Variants in PRKCE observed in about 807,000 individuals in gnomAD.
PRKCE encodes the protein protein kinase C epsilon.
PRKCE carries 16 observed loss-of-function variants against 85.4 expected under a neutral mutation model. The observed-to-expected ratio is 0.19, with a 90% CI of 0.13 to 0.28. PRKCE has a LOEUF of 0.28. Ranked by LOEUF, PRKCE falls within the 10% of genes least tolerant of loss-of-function variation. The probability of loss-of-function intolerance (pLI) is 1.00; values close to 1 mark genes in which losing one functional copy is unlikely to be tolerated. For synonymous variants in PRKCE, 388 were observed against 371.5 expected (o/e 1.04, Z -0.51); for missense variants, 573 against 975.2 (o/e 0.59, Z 5.49).
intron 11 of PRKCE, among the ~76,000 whole-genome samples, chr2:46,129,848 T>A (rs893098782): frequency 1.3e-5 from 2 of 152,268 alleles, no homozygotes; most frequent in African/African-American, 2.4e-5. Flanking sequence ...TTATTTTAAT[T>A]GTTTTATAGT....
At chr2:45,654,412 G>A (rs1379750468) in intron 1 of PRKCE, among the ~76,000 whole-genome samples, 1 of 152,202 alleles carries the variant, frequency 6.6e-6, no homozygotes, top group African/African-American at 2.4e-5. Flanking sequence ...TAGTGCACAG[G>A]CAAGTTTTAC....
rs550257476 is a variant in PRKCE at position 46,035,976 on chromosome 2, G to C, written c.1437+25459G>C. Reference sequence around the variant, plus strand: ...GATAACAAATGAGACTGCAAAGCAGGGGAAGGTGGAAGTGCTAGGGAAAAG... The same window carrying C: ...GATAACAAATGAGACTGCAAAGCAGCGGAAGGTGGAAGTGCTAGGGAAAAG... On this transcript the variant is annotated intron_variant, in intron 10 of 14. Transcript: ENST00000306156. 2.2e-4 allele frequency among the ~76,000 whole-genome samples: 34 copies of C among 152,306 alleles called. No homozygotes were observed. The South Asian group carries it at 6.8e-3, about 31-fold the overall frequency.
Position 45,907,760 on chromosome 2 carries a change from C to T in PRKCE, c.412+64697C>T, listed in dbSNP as rs938521111. Among the ~76,000 whole-genome samples the T allele has an allele frequency of 4.6e-5, 7 of 152,182 alleles. No individual in the cohort carries two copies. Among genetic ancestry groups the T allele is most frequent in the African/African-American group, 1.7e-4 (7 of 41,442 alleles). On this transcript the variant is annotated intron_variant, in intron 2 of 14. Coordinates refer to ENST00000306156, the MANE Select transcript of PRKCE (RefSeq NM_005400.3). The surrounding 1 kb of genome is among the most constrained non-coding windows in gnomAD (Gnocchi z 4.5). Reference sequence around the variant, plus strand: ...CTGAGGGCGTGACTGAGCCAATGGCCACCTCTGGGTCTCTGCTGCCTCCTT... The same window carrying T: ...CTGAGGGCGTGACTGAGCCAATGGCTACCTCTGGGTCTCTGCTGCCTCCTT...
chr2:45,974,523 C>T (rs1308656453), intron 2 of PRKCE, among the ~76,000 whole-genome samples: 1 of 152,198 alleles, frequency 6.6e-6, no homozygotes, highest in Non-Finnish European at 1.5e-5. Context: ...ACGCTGAGGG[C>T]AGATTTCCAA....
At chr2:46,129,789 G>C (rs1428963221) in intron 11 of PRKCE, among the ~76,000 whole-genome samples, 1 of 152,258 alleles carries the variant, frequency 6.6e-6, no homozygotes, top group East Asian at 1.9e-4. Context: ...ATTGGAAGCT[G>C]CTGAGTTATG....
chr2:46,057,102 C>T (rs1666657989), intron 10 of PRKCE, among the ~76,000 whole-genome samples: 2 of 152,128 alleles, frequency 1.3e-5, no homozygotes, highest in African/African-American at 2.4e-5. Context: ...TGGCCTGACT[C>T]GGGCTTCCTC....
At chr2:45,901,896 C>A (rs887361544) in intron 2 of PRKCE, among the ~76,000 whole-genome samples, 1 of 152,158 alleles carries the variant, frequency 6.6e-6, no homozygotes, top group African/African-American at 2.4e-5. Flanking sequence ...AGTATGGTGA[C>A]TTCAGAGTTT....
At chr2:45,818,345 C>A (rs545532393) in intron 1 of PRKCE, among the ~76,000 whole-genome samples, 60 of 152,248 alleles carry the variant, frequency 3.9e-4, no homozygotes, top group African/African-American at 1.4e-3. Flanking sequence ...TGCCCCACAC[C>A]CCTCTGGATT....
intron 1 of PRKCE, among the ~76,000 whole-genome samples, chr2:45,743,618 C>T (rs1016311161): frequency 2.0e-5 from 3 of 152,206 alleles, no homozygotes; most frequent in African/African-American, 4.8e-5. Flanking sequence ...TTTCAGATCC[C>T]GCCCTGCCTG....
chr2:46,076,485 A>G (rs1012910739), intron 10 of PRKCE, among the ~76,000 whole-genome samples: 1 of 152,182 alleles, frequency 6.6e-6, no homozygotes, highest in African/African-American at 2.4e-5. Context: ...GAGGCAGGAA[A>G]TGTTTATTTG....
At chr2:45,841,272 C>A (rs1334188673) in intron 1 of PRKCE, among the ~76,000 whole-genome samples, 1 of 152,194 alleles carries the variant, frequency 6.6e-6, no homozygotes, top group African/African-American at 2.4e-5. Flanking sequence ...AGGCCGTCTG[C>A]ACGCTGAGGA....
chr2:45,726,976 G>A (rs945172955), intron 1 of PRKCE, among the ~76,000 whole-genome samples: 8 of 152,300 alleles, frequency 5.3e-5, no homozygotes, highest in Admixed American at 1.3e-4. Flanking sequence ...AAATGTATGC[G>A]AAGGCTTAAT....
rs149728052 is a variant in PRKCE at position 45,903,034 on chromosome 2, T to C, written c.412+59971T>C. Among the ~76,000 whole-genome samples, 119 of 152,354 alleles carry C rather than the reference T, an allele frequency of 7.8e-4. 1 individual carries two copies. The highest frequency in any genetic ancestry group is 2.7e-3 in the African/African-American group (113 of 41,582). ...CCCCCAGGAGGATCCTACGTGAATA[T>C]AGTTTAGTTCCAAATAATATAATTG... On this transcript the variant is annotated intron_variant, in intron 2 of 14. Coordinates refer to ENST00000306156, the MANE Select transcript of PRKCE (RefSeq NM_005400.3).
At chr2:46,154,893 G>A (rs1466428083) in intron 13 of PRKCE, among the ~76,000 whole-genome samples, 1 of 152,098 alleles carries the variant, frequency 6.6e-6, no homozygotes, top group Non-Finnish European at 1.5e-5. Context: ...TGAGCTTCGT[G>A]AGGGCAGGAA....
intron 1 of PRKCE, among the ~76,000 whole-genome samples, chr2:45,735,438 C>G (rs1307172691): frequency 6.6e-6 from 1 of 152,252 alleles, no homozygotes; most frequent in South Asian, 2.1e-4. Context: ...TGAATTTTGC[C>G]TCCTCCATGG....
chr2:45,666,929 C>T (rs1196344325), intron 1 of PRKCE, among the ~76,000 whole-genome samples: 1 of 152,178 alleles, frequency 6.6e-6, no homozygotes, highest in Non-Finnish European at 1.5e-5. Context: ...CAACCTTGAA[C>T]TCATGGGGTC....
At chr2:45,684,368 GC>G (rs1169707263) in intron 1 of PRKCE, among the ~76,000 whole-genome samples, 1 of 152,164 alleles carries the variant, frequency 6.6e-6, no homozygotes, top group Non-Finnish European at 1.5e-5. Context: ...GAGGATCAGG[GC>G]TATTTCATCT....
At chr2:45,698,588 G>A (rs1678349469) in intron 1 of PRKCE, among the ~76,000 whole-genome samples, 1 of 151,886 alleles carries the variant, frequency 6.6e-6, no homozygotes, top group Non-Finnish European at 1.5e-5. Context: ...ATATATGAAG[G>A]AAGAGAGAAA....
intron 1 of PRKCE, chr2:45,701,364 C>T (rs1260006371): frequency 1.3e-5 from 2 of 151,984 alleles, no homozygotes; most frequent in East Asian, 1.9e-4. Flanking sequence ...ACCTATCTAT[C>T]TGTCTATCAA....
Sources: allele counts gnomAD v4.1 joint callset (sites outside exome capture counted in the v4.1 genomes callset), GRCh38; gene constraint gnomAD v4.1.1; non-coding constraint Gnocchi (gnomAD v3.1); transcripts MANE v1.5; gene names NCBI Gene and HGNC (gene_info 2026-07-23, HGNC 2026-07-21).